The following SACS variants were observed in gnomAD, a reference collection of about 807,000 sequenced individuals.
The protein encoded by SACS is sacsin molecular chaperone.
SACS carries 197 observed loss-of-function variants against 348.0 expected under a neutral mutation model. That is an observed-to-expected ratio of 0.57 (90% CI 0.50 to 0.64). SACS has a LOEUF of 0.64. Among genes scored for constraint, SACS ranks in the 30% least tolerant of loss-of-function variants. The pLI is 0.00. For synonymous variants in SACS, 1,985 were observed against 1,910.6 expected (o/e 1.04, Z -1.02); for missense variants, 4,999 against 5,360.8 (o/e 0.93, Z 2.11).
intron 1 of SACS, among the ~76,000 whole-genome samples, chr13:23,418,731 C>T (rs148284559): frequency 6.6e-6 from 1 of 152,318 alleles, no homozygotes; most frequent in African/African-American, 2.4e-5. Context: ...TCTCAAACTC[C>T]TGACCTCAAG....
At chr13:23,381,212 C>G (rs910701277) in intron 2 of SACS, among the ~76,000 whole-genome samples, 1 of 152,194 alleles carries the variant, frequency 6.6e-6, no homozygotes, top group Non-Finnish European at 1.5e-5. Context: ...GGACTGAAAT[C>G]AACCCTTTGC....
intron 2 of SACS, among the ~76,000 whole-genome samples, chr13:23,405,936 G>C (rs1397445803): frequency 6.6e-6 from 1 of 152,186 alleles, no homozygotes; most frequent in Non-Finnish European, 1.5e-5. Context: ...TTACACTGTT[G>C]GTGGGAGTGT....
rs577085229 is a variant in SACS, at chr13:23,433,367, A to G, written c.-502+248T>C. On this transcript the variant is annotated intron_variant, in intron 1 of 9. Coordinates refer to ENST00000382292, the MANE Select transcript of SACS (RefSeq NM_014363.6). ...TTCACAAGCAGCCAACCCAAACTGTACATTTTCAGAAGAGCTCATTACTCA... is the reference window on the plus strand; with the variant it reads ...TTCACAAGCAGCCAACCCAAACTGTGCATTTTCAGAAGAGCTCATTACTCA... Among the ~76,000 whole-genome samples, 3 of 152,294 alleles carry G rather than the reference A, an allele frequency of 2.0e-5. No homozygotes were observed. In the East Asian group the frequency reaches 5.8e-4, roughly 29 times the overall value.
intron 1 of SACS, among the ~76,000 whole-genome samples, chr13:23,425,093 T>C (rs1874114643): frequency 6.6e-6 from 1 of 152,122 alleles, no homozygotes; most frequent in African/African-American, 2.4e-5. Flanking sequence ...GATGTCCATC[T>C]GGACACTGGT....
chr13:23,336,189 A>C lies in SACS; in HGVS notation c.7687T>G (p.Phe2563Val), dbSNP rs1239011724. The change falls in exon 10 of 10, where the codon TTT (phenylalanine) becomes GTT (valine). Residue 2563 changes from phenylalanine to valine, a missense_variant. Transcript: ENST00000382292. The stretch of plus-strand genomic sequence containing the variant: ...GGATGCTGTCTAGGATCAAACACAA[A>C]ACAGATTTCTGTCGCCTTTGCATCA... ...ADDAKATEIC[F>V]VFDPRQHPVD... 20 of 1,614,034 alleles carry C rather than the reference A, an allele frequency of 1.2e-5. No homozygotes were observed. The highest frequency in any genetic ancestry group is 3.3e-5 in the Admixed American group (2 of 60,010).
chr13:23,362,431 G>C (rs1166555281), intron 6 of SACS, among the ~76,000 whole-genome samples: 2 of 152,126 alleles, frequency 1.3e-5, no homozygotes, highest in African/African-American at 4.8e-5. Flanking sequence ...TGCCAGTAAA[G>C]GGGAAAAGCC....
Position 23,355,465 on chromosome 13 carries a change from TCTC to T in SACS, c.1144_1146del (p.Glu382del). ...GATGTTTTCTGTGCATCCTTAGTACTCTCCTCTTCTAAAACAATATTTACGTGA... is the reference window on the plus strand; with the variant it reads ...GATGTTTTCTGTGCATCCTTAGTACTCTCTTCTAAAACAATATTTACGTGA... On this transcript the variant is annotated inframe_deletion, in exon 8 of 10. Transcript: ENST00000382292. The T allele has an allele frequency of 3.7e-6, 6 of 1,614,080 alleles. No homozygotes were observed. Among genetic ancestry groups the T allele is most frequent in the Non-Finnish European group, 5.1e-6 (6 of 1,179,952 alleles).
rs370902090 is a variant in SACS, at chr13:23,338,028, C to T, written c.5848G>A (p.Asp1950Asn). 180 of 1,613,866 alleles carry T rather than the reference C, an allele frequency of 1.1e-4. 2 individuals carry two copies. In the South Asian group the frequency reaches 1.5e-3, roughly 14 times the overall value. ...YTYYAVWPDPDLVHDDFSVIC... is the reference protein window; with the variant it reads ...YTYYAVWPDPNLVHDDFSVIC... ...ACAGAAAAATCATCATGAACTAAAT[C>T]AGGATCGGGCCATACTGCATAGTAA... The change falls in exon 10 of 10, where the codon GAT becomes AAT. Residue 1950 changes from aspartate (D) to asparagine (N), a missense_variant. By Grantham distance (23) the Asp-to-Asn change is conservative. This residue lies in a region of SACS where 3,156 missense variants were observed against 3,380.1 expected (regional missense o/e 0.93). Transcript: ENST00000382292.
chr13:23,379,034 T>C (rs1229467411), intron 2 of SACS, among the ~76,000 whole-genome samples: 6 of 152,204 alleles, frequency 3.9e-5, no homozygotes, highest in African/African-American at 1.4e-4. Flanking sequence ...TCAGTTAATA[T>C]CCCTTCTGCT....
chr13:23,422,541 C>T (rs538249365), intron 1 of SACS, among the ~76,000 whole-genome samples: 38 of 152,232 alleles, frequency 2.5e-4, no homozygotes, highest in Admixed American at 1.1e-3. Flanking sequence ...TCCAAACACA[C>T]GTTTTATAAA....
At chr13:23,351,535 C>T (rs907581953) in intron 9 of SACS, among the ~76,000 whole-genome samples, 4 of 152,090 alleles carry the variant, frequency 2.6e-5, no homozygotes, top group African/African-American at 7.2e-5. Flanking sequence ...TTTTGCCTGC[C>T]GCCAAGTAAG....
At position 23,339,784 on chromosome 13, in the gene SACS, T is replaced by C. The variant is rs1869029145; in HGVS notation, c.4092A>G (p.Arg1364=). Residue 1364 remains arginine, a synonymous_variant, in exon 10 of 10, where the codon AGA becomes AGG. Transcript: ENST00000382292. ...QNLHLMLNII[R]WLYSNQIPAS... Reference sequence around the variant, plus strand: ...CTGGAATCTGATTGCTATACAGCCATCTGATAATATTCAACATAAGATGAA... The same window carrying C: ...CTGGAATCTGATTGCTATACAGCCACCTGATAATATTCAACATAAGATGAA... 1 of 1,613,898 alleles carries C rather than the reference T, an allele frequency of 6.2e-7. No homozygotes were observed. The highest frequency in any genetic ancestry group is 8.5e-7 in the Non-Finnish European group (1 of 1,179,880).
At chr13:23,381,382 CA>C (rs1321359947) in intron 2 of SACS, among the ~76,000 whole-genome samples, 1 of 151,642 alleles carries the variant, frequency 6.6e-6, no homozygotes, top group African/African-American at 2.4e-5. Flanking sequence ...CACACACACA[CA>C]CACACACACA....
At chr13:23,373,779 G>C (rs1393273951) in intron 3 of SACS, 5 of 131,792 alleles carry the variant, frequency 3.8e-5, no homozygotes, top group Admixed American at 1.8e-4. Flanking sequence ...CCTGGCGACA[G>C]AGCGAGACTC....
At chr13:23,358,158 G>A (rs188903183) in intron 7 of SACS, among the ~76,000 whole-genome samples, 177 bp downstream of exon 7, 5 of 152,250 alleles carry the variant, frequency 3.3e-5, no homozygotes, top group African/African-American at 9.6e-5. Context: ...TGTTACTGTG[G>A]TAATTTCAGA....
At chr13:23,395,840 T>C (rs1403899397) in intron 2 of SACS, among the ~76,000 whole-genome samples, 2 of 152,234 alleles carry the variant, frequency 1.3e-5, no homozygotes, top group Non-Finnish European at 2.9e-5. Context: ...TCTTTTTACC[T>C]GACATGTAGC....
chr13:23,332,144 C>A lies in SACS; in HGVS notation c.11732G>T (p.Ser3911Ile). The change falls in exon 10 of 10, where the codon AGC (serine) becomes ATC (isoleucine). Residue 3911 changes from serine (S) to isoleucine (I), a missense_variant. Coordinates refer to ENST00000382292, the MANE Select transcript of SACS (RefSeq NM_014363.6). ...TGACTTTACCAATCTACCATCCTGG[C>A]TTGGGAGGTAAAGCGCAAGGTCTCG... ...NVRDLALYLPSQDGRLVKSSI... is the reference protein window; with the variant it reads ...NVRDLALYLPIQDGRLVKSSI... 1 of 1,614,072 alleles carries A rather than the reference C, an allele frequency of 6.2e-7. No individual in the cohort carries two copies. Among genetic ancestry groups the A allele is most frequent in the South Asian group, 1.1e-5 (1 of 91,070 alleles).
intron 2 of SACS, among the ~76,000 whole-genome samples, chr13:23,383,272 C>A (rs142648625): frequency 5.9e-5 from 9 of 152,260 alleles, no homozygotes; most frequent in Middle Eastern, 6.8e-3. Flanking sequence ...TTCATTGCCA[C>A]CTCCTGTTGG....
intron 2 of SACS, among the ~76,000 whole-genome samples, chr13:23,398,790 G>A (rs938640181): frequency 6.6e-6 from 1 of 151,736 alleles, no homozygotes; most frequent in Non-Finnish European, 1.5e-5. Flanking sequence ...GAGAGAGCAG[G>A]TTGTAAATTG....
Sources: allele counts gnomAD v4.1 joint callset (sites outside exome capture counted in the v4.1 genomes callset), GRCh38; gene constraint gnomAD v4.1.1; regional missense constraint gnomAD v4.1.1; transcripts MANE v1.5; gene names NCBI Gene and HGNC (gene_info 2026-07-23, HGNC 2026-07-21).